DOCK9: variants seen among roughly 807,000 people sequenced by gnomAD.
DOCK9 encodes dedicator of cytokinesis protein 9.
Under a neutral mutation model 263.3 loss-of-function variants are expected in DOCK9, and 89 were observed. The observed-to-expected ratio is 0.34, with a 90% CI of 0.28 to 0.40. The LOEUF (loss-of-function observed/expected upper bound fraction) is 0.40, where lower values mean the gene tolerates loss of function less well. Among genes scored for constraint, DOCK9 ranks in the 10% least tolerant of loss-of-function variants. DOCK9 has a pLI of 1.00. For missense variants in DOCK9, 2,140 were observed against 2,603.4 expected, an observed-to-expected ratio of 0.82 and a Z score of 3.87; for synonymous variants, 976 against 973.1, an observed-to-expected ratio of 1.00 and a Z score of -0.06.
chr13:98,796,805 A>C (rs569535861), intron 52 of DOCK9, among the ~76,000 whole-genome samples: 2 of 152,190 alleles, frequency 1.3e-5, no homozygotes, highest in African/African-American at 4.8e-5. Flanking sequence ...TTTTCGTGTG[A>C]GTTTTTCCTT....
intron 1 of DOCK9, among the ~76,000 whole-genome samples, chr13:99,078,099 T>C (rs1263932481): frequency 2.6e-5 from 4 of 152,118 alleles, no homozygotes; most frequent in African/African-American, 9.7e-5. Flanking sequence ...GGATGAAAAG[T>C]GGCAATTTAT....
chr13:98,809,605 G>A lies in DOCK9; in HGVS notation c.5254-140C>T, dbSNP rs187197817. ...CACACACATTTTGGCTGCACAACTT[G>A]TAGTGATCATTAATGAATGGTAACA... On this transcript the variant is annotated intron_variant, in intron 46 of 52. Coordinates refer to ENST00000682017, the MANE Select transcript of DOCK9 (RefSeq NM_001366683.2). 1.9e-5 allele frequency: 13 copies of A among 681,850 alleles called. 1 individual carries two copies. The highest frequency in any genetic ancestry group is 1.1e-4 in the African/African-American group (6 of 54,974). 42.2% of individuals were successfully genotyped at this position (681,850 alleles called of 1,614,324 possible).
In DOCK9 at chr13:98,794,591, A is replaced by G; in HGVS notation, c.*35T>C. 1 of 1,553,878 alleles carries G rather than the reference A, an allele frequency of 6.4e-7. No individual in the cohort carries two copies. The highest frequency in any genetic ancestry group is 2.4e-5 in the East Asian group (1 of 41,244). On this transcript the variant is annotated 3_prime_UTR_variant, in exon 53 of 53. Transcript: ENST00000682017. ...AAAGCATCCTGAGTTTGCAAATGAC[A>G]AAGCAAGTCCCCACACACGGGCCAT...
At chr13:98,985,596 A>G (rs1297386958) in intron 1 of DOCK9, among the ~76,000 whole-genome samples, 1 of 152,202 alleles carries the variant, frequency 6.6e-6, no homozygotes, top group Non-Finnish European at 1.5e-5. Flanking sequence ...TAAACTATCA[A>G]TTTATTTTGA....
chr13:98,879,619 G>A (rs1320430064), intron 27 of DOCK9, among the ~76,000 whole-genome samples: 1 of 152,126 alleles, frequency 6.6e-6, no homozygotes, highest in Non-Finnish European at 1.5e-5. Context: ...AACCTTTGGG[G>A]CCAGACTGGA....
chr13:98,823,781 C>T (rs1425016738), intron 45 of DOCK9, among the ~76,000 whole-genome samples: 1 of 152,230 alleles, frequency 6.6e-6, no homozygotes, highest in Non-Finnish European at 1.5e-5. Flanking sequence ...GGCTGCAAGG[C>T]TAACCTGTTT....
chr13:98,829,685 C>T lies in DOCK9; in HGVS notation c.4707G>A (p.Leu1569=), dbSNP rs1356049479. The change falls in exon 42 of 53, where the codon CTG becomes CTA. Residue 1569 remains leucine, a synonymous_variant. Transcript: ENST00000682017. This position sits in a 1 kb window ranked among gnomAD's most constrained non-coding sequence, Gnocchi z 4.1. ...GIGGTRFQQS[L]SIINNCANSD... ...TGTTGGCACAGTTGTTGATGATGGACAGGGACTGCTGGAATCTGGTTCCCC... is the reference window on the plus strand; with the variant it reads ...TGTTGGCACAGTTGTTGATGATGGATAGGGACTGCTGGAATCTGGTTCCCC... 1 of 1,610,090 alleles carries T rather than the reference C, an allele frequency of 6.2e-7. No homozygotes were observed.
intron 46 of DOCK9, among the ~76,000 whole-genome samples, chr13:98,809,729 G>A (rs2091119484): frequency 6.6e-6 from 1 of 152,186 alleles, no homozygotes; most frequent in Admixed American, 6.5e-5. Context: ...TGTCAGAGAT[G>A]GTTCCCCAAC....
chr13:98,834,003 G>T (rs1234816885), intron 39 of DOCK9, among the ~76,000 whole-genome samples: 1 of 152,204 alleles, frequency 6.6e-6, no homozygotes, highest in Non-Finnish European at 1.5e-5. Context: ...TCTTGCTGAA[G>T]ATGGGAAATT....
intron 1 of DOCK9, among the ~76,000 whole-genome samples, chr13:99,027,794 T>C (rs919430418): frequency 1.8e-4 from 27 of 152,252 alleles, no homozygotes; most frequent in African/African-American, 6.0e-4. Flanking sequence ...TCGTGGCTCA[T>C]GGCCTACAAT....
intron 9 of DOCK9, among the ~76,000 whole-genome samples, chr13:98,909,459 A>G (rs1185750851): frequency 6.6e-6 from 1 of 152,226 alleles, no homozygotes; most frequent in Non-Finnish European, 1.5e-5. Flanking sequence ...TCTGAGGATG[A>G]ATTATCAGAA....
intron 2 of DOCK9, among the ~76,000 whole-genome samples, chr13:98,941,491 T>C (rs2055839252): frequency 6.6e-6 from 1 of 152,224 alleles, no homozygotes; most frequent in Non-Finnish European, 1.5e-5. Flanking sequence ...CACGATTGTT[T>C]ATTAAAATGC....
At chr13:98,806,428 T>C (rs1203554103) in intron 48 of DOCK9, among the ~76,000 whole-genome samples, 2 of 152,220 alleles carry the variant, frequency 1.3e-5, no homozygotes, top group African/African-American at 4.8e-5. Context: ...TAATTGTATT[T>C]AACCTTCTAG....
chr13:99,022,930 T>G (rs533048567), intron 1 of DOCK9, among the ~76,000 whole-genome samples: 3 of 152,098 alleles, frequency 2.0e-5, no homozygotes, highest in Non-Finnish European at 2.9e-5. Flanking sequence ...GCCTGAGAGA[T>G]AGAGACAGAC....
chr13:99,024,557 A>G (rs932943679), intron 1 of DOCK9, among the ~76,000 whole-genome samples: 2 of 152,226 alleles, frequency 1.3e-5, no homozygotes, highest in African/African-American at 4.8e-5. Context: ...CAGATTCTAC[A>G]TACATCAGTT....
chr13:98,979,229 T>TAGTAGTAGTAGTAGCAGCAGCAGCAGC (rs1555439294), upstream of DOCK9, among the ~76,000 whole-genome samples: 2 of 125,076 alleles, frequency 1.6e-5, no homozygotes, highest in South Asian at 2.6e-4. Flanking sequence ...GTAGTAGTAG[T>TAGTAGTAGTAGTAGCAGCAGCAGCAGC]AGCAGCAGCG....
intron 1 of DOCK9, among the ~76,000 whole-genome samples, chr13:99,065,579 G>A (rs901470825): frequency 3.9e-5 from 6 of 152,074 alleles, no homozygotes; most frequent in South Asian, 2.1e-4. Flanking sequence ...CCAAGTACAC[G>A]CCATGATTTC....
chr13:99,044,781 C>G (rs532581195), intron 1 of DOCK9, among the ~76,000 whole-genome samples: 2 of 152,216 alleles, frequency 1.3e-5, no homozygotes, highest in African/African-American at 4.8e-5. Context: ...TGCTTAAAGC[C>G]GTAAGTAAAA....
chr13:98,956,046 C>A (rs2058020275), intron 1 of DOCK9, among the ~76,000 whole-genome samples: 1 of 152,226 alleles, frequency 6.6e-6, no homozygotes. Flanking sequence ...TGCCTATCCC[C>A]AGATATCTAT....
Sources: gnomAD v4.1 joint callset for allele counts (sites outside exome capture counted in the v4.1 genomes callset) on GRCh38, gnomAD v4.1.1 for gene constraint, Gnocchi (gnomAD v3.1) non-coding constraint, MANE v1.5 for transcripts, NCBI Gene and HGNC (gene_info 2026-07-23, HGNC 2026-07-21) for gene names.